CTSD: variants seen among roughly 807,000 people sequenced by gnomAD.
The protein encoded by CTSD is cathepsin D.
In CTSD, 28 loss-of-function variants were observed where a neutral mutation model predicts 43.6. The ratio of observed to expected loss-of-function variants is 0.64; its 90% confidence interval spans 0.48 to 0.88. The LOEUF (loss-of-function observed/expected upper bound fraction) is 0.88. Among genes scored for constraint, CTSD ranks in the 40% least tolerant of loss-of-function variants. The pLI is 0.00. For synonymous variants in CTSD, 270 were observed against 249.8 expected (o/e 1.08, Z -0.76); for missense variants, 485 against 555.2 (o/e 0.87, Z 1.27).
Position 1,754,100 on chromosome 11 carries a change from C to T in CTSD, c.866G>A (p.Gly289Asp). ...VASGLTLCKEGCEAIVDTGTS... is the reference protein window; with the variant it reads ...VASGLTLCKEDCEAIVDTGTS... ...GCCTGTGTCCACAATGGCCTCACAG[C>T]CCTCCTTGCACAGGGTCAGCCCGCT... is the stretch of plus-strand genomic sequence containing the variant. Residue 289 changes from glycine (G) to aspartate (D), a missense_variant, in exon 7 of 9, where the codon GGC (glycine) becomes GAC (aspartate). Transcript: ENST00000236671. The T allele has an allele frequency of 6.2e-7, 1 of 1,611,188 alleles. No homozygotes were observed. The highest frequency in any genetic ancestry group is 1.3e-5 in the African/African-American group (1 of 75,050).
chr11:1,757,570 CA>C lies in CTSD; in HGVS notation c.472-15del. 6.3e-7 allele frequency: 1 copy of C among 1,598,682 alleles called. No homozygotes were observed. Among genetic ancestry groups the C allele is most frequent in the South Asian group, 1.1e-5 (1 of 90,092 alleles). On this transcript the variant is annotated splice_polypyrimidine_tract_variant and intron_variant, in intron 4 of 8. Transcript: ENST00000236671. The stretch of plus-strand genomic sequence containing the variant: ...CTGGCAGGGCACCTGCAGGCCAGGG[CA>C]GAGTCAGTGGGCAGCAGACAGGCTG...
At chr11:1,757,754 C>T (rs573974901) in intron 4 of CTSD, among the ~76,000 whole-genome samples, 198 bp from the exon 5 acceptor site, 7 of 152,196 alleles carry the variant, frequency 4.6e-5, no homozygotes, top group Non-Finnish European at 8.8e-5. Context: ...GGGCCCTCTT[C>T]GTGGAAGTCA....
At chr11:1,756,124 C>G (rs534772802) in intron 5 of CTSD, among the ~76,000 whole-genome samples, 169 of 151,976 alleles carry the variant, frequency 1.1e-3, no homozygotes, top group African/African-American at 3.7e-3. Context: ...GCCCCTCCCC[C>G]ACATGGGCAC....
intron 5 of CTSD, among the ~76,000 whole-genome samples, chr11:1,756,033 G>A (rs1845805204): frequency 6.6e-6 from 1 of 152,002 alleles, no homozygotes; most frequent in Non-Finnish European, 1.5e-5. Flanking sequence ...CCCCACCTGG[G>A]CACTCACTCT....
intron 1 of CTSD, 41 bp from the exon 2 acceptor site, chr11:1,761,509 G>A (rs753297313): frequency 3.1e-6 from 5 of 1,609,422 alleles, no homozygotes; most frequent in Non-Finnish European, 4.2e-6. Flanking sequence ...AGGCCCTCCC[G>A]CCTGCCGGCC....
At chr11:1,761,699 C>T (rs1185257602) in intron 1 of CTSD, 4 of 593,868 alleles carry the variant, frequency 6.7e-6, no homozygotes, top group Non-Finnish European at 1.2e-5. Flanking sequence ...AAGTGGTCAC[C>T]CGCCACCCAC....
rs1173860527 is a variant in CTSD at position 1,754,023 on chromosome 11, T to C, written c.943A>G (p.Ile315Val). 2 of 1,601,022 alleles carry C rather than the reference T, an allele frequency of 1.2e-6. No homozygotes were observed. The highest frequency in any genetic ancestry group is 8.5e-7 in the Non-Finnish European group (1 of 1,174,010). Residue 315 changes from isoleucine (I) to valine (V), a missense_variant, in exon 7 of 9, where the codon ATC becomes GTC. Ile to Val is a conservative substitution (Grantham distance 29, BLOSUM62 3). Coordinates refer to ENST00000236671, the MANE Select transcript of CTSD (RefSeq NM_001909.5). ...CCCTGAATCAGCGGCACGGCCCCGATGGCCTTCTGCAGCTCGCGCACCTCA... is the reference window on the plus strand; with the variant it reads ...CCCTGAATCAGCGGCACGGCCCCGACGGCCTTCTGCAGCTCGCGCACCTCA... ...VDEVRELQKA[I>V]GAVPLIQGEY...
chr11:1,763,263 G>A (rs145544544), intron 1 of CTSD, among the ~76,000 whole-genome samples: 1 of 152,262 alleles, frequency 6.6e-6, no homozygotes, highest in African/African-American at 2.4e-5. Flanking sequence ...CTCTCTCAGG[G>A]ACATGGGAAC....
At chr11:1,758,066 G>C (rs1314736616) in intron 4 of CTSD, 1 of 212,746 alleles carries the variant, frequency 4.7e-6, no homozygotes, top group African/African-American at 2.3e-5. Context: ...GGAAGGGAAC[G>C]ACAGCTTGAG....
intron 1 of CTSD, 174 bp from the exon 2 acceptor site, chr11:1,761,642 T>C (rs1845879505): frequency 1.4e-6 from 1 of 726,034 alleles, no homozygotes; most frequent in Admixed American, 2.1e-5. Context: ...AGTCAGTGAA[T>C]GGCAACCCAT....
chr11:1,754,264 A>G, intron 6 of CTSD, 126 bp from the exon 7 acceptor site: 1 of 1,158,164 alleles, frequency 8.6e-7, no homozygotes, highest in South Asian at 1.3e-5. Context: ...TCCTGGAAGC[A>G]CAGCCGGCTG....
intron 1 of CTSD, chr11:1,763,424 C>T: frequency 4.5e-6 from 1 of 220,460 alleles, no homozygotes; most frequent in South Asian, 1.2e-4. Flanking sequence ...ACCTAGGTCT[C>T]CAGCAACAAG....
rs1286537663 is a variant in CTSD at position 1,753,101 on chromosome 11, G to A, written c.*402C>T. The stretch of plus-strand genomic sequence containing the variant: ...CAGGCAGGGCAGGTTTCCAAGGGAG[G>A]GCCCGGGAGGACGGCCTGGTGTGGG... On this transcript the variant is annotated 3_prime_UTR_variant, in exon 9 of 9. Transcript: ENST00000236671. The A allele has an allele frequency of 9.5e-6, 3 of 316,980 alleles. No homozygotes were observed. Among genetic ancestry groups the A allele is most frequent in the African/African-American group, 6.5e-5 (3 of 46,014 alleles). 19.6% of individuals were successfully genotyped at this position (316,980 alleles called of 1,614,324 possible).
chr11:1,761,688 G>C (rs1344847426), intron 1 of CTSD: 1 of 615,562 alleles, frequency 1.6e-6, no homozygotes. Flanking sequence ...ACAGTCCTAA[G>C]AAGTGGTCAC....
chr11:1,757,747 C>G (rs907117793), intron 4 of CTSD, among the ~76,000 whole-genome samples, 191 bp from the exon 5 acceptor site: 3 of 152,204 alleles, frequency 2.0e-5, no homozygotes, highest in African/African-American at 7.2e-5. Context: ...TATGGCGGGG[C>G]CCTCTTCGTG....
Position 1,759,138 on chromosome 11 carries a change from G to A in CTSD, c.353-51C>T, listed in dbSNP as rs375700828. On this transcript the variant is annotated intron_variant, in intron 3 of 8. Coordinates refer to ENST00000236671, the MANE Select transcript of CTSD (RefSeq NM_001909.5). ...CCGGTCATCCCGCAGCCCACGCCAC[G>A]GCCTTAGCCCTCCCATCCCCCTACA... The A allele has an allele frequency of 8.7e-5, 118 of 1,349,416 alleles. 1 individual carries two copies. Among genetic ancestry groups the A allele is most frequent in the Non-Finnish European group, 1.0e-4 (96 of 938,868 alleles). 83.6% of individuals were successfully genotyped at this position (1,349,416 alleles called of 1,614,324 possible).
intron 1 of CTSD, chr11:1,761,700 C>T (rs538458039): frequency 5.1e-5 from 30 of 592,070 alleles, no homozygotes; most frequent in South Asian, 5.0e-4. Context: ...AGTGGTCACC[C>T]GCCACCCACC....
At chr11:1,760,154 C>G (rs2133664907) in intron 2 of CTSD, among the ~76,000 whole-genome samples, 1 of 152,374 alleles carries the variant, frequency 6.6e-6, no homozygotes, top group East Asian at 1.9e-4. Context: ...GGAGGGCTTC[C>G]AGGCAGAGGG....
At chr11:1,758,531 C>T (rs2133663051) in intron 4 of CTSD, among the ~76,000 whole-genome samples, 1 of 152,232 alleles carries the variant, frequency 6.6e-6, no homozygotes, top group East Asian at 1.9e-4. Flanking sequence ...CCCTCCCAGG[C>T]TCCTGCCGGT....
Sources: gnomAD v4.1 joint callset for allele counts (sites outside exome capture counted in the v4.1 genomes callset) on GRCh38, gnomAD v4.1.1 for gene constraint, MANE v1.5 for transcripts, NCBI Gene and HGNC (gene_info 2026-07-23, HGNC 2026-07-21) for gene names.